The following CCBE1 variants were observed in gnomAD, a reference collection of about 807,000 sequenced individuals.
The protein encoded by CCBE1 is collagen and calcium binding EGF domains 1.
In CCBE1, 37 loss-of-function variants were observed where a neutral mutation model predicts 50.0. That is an observed-to-expected ratio of 0.74 (90% CI 0.57 to 0.97). The LOEUF (loss-of-function observed/expected upper bound fraction) is 0.97. CCBE1 is among the 50% of genes least tolerant of loss of function. CCBE1 has a pLI of 0.00. For missense variants in CCBE1, 538 were observed against 523.8 expected, an observed-to-expected ratio of 1.03 and a Z score of -0.26; for synonymous variants, 234 against 203.7, an observed-to-expected ratio of 1.15 and a Z score of -1.27.
In CCBE1 at chr18:59,514,352, A is replaced by G. The variant is rs900569945; in HGVS notation, c.213-34114T>C. ...GTAGCGCCCCTGACACGGCTCCTCCATCCGCACGTGGCCCTCCCAGTGAGT... is the reference window on the plus strand; with the variant it reads ...GTAGCGCCCCTGACACGGCTCCTCCGTCCGCACGTGGCCCTCCCAGTGAGT... On this transcript the variant is annotated intron_variant, in intron 2 of 10. Coordinates refer to ENST00000439986, the MANE Select transcript of CCBE1 (RefSeq NM_133459.4). Among the ~76,000 whole-genome samples, 6 of 152,182 alleles carry G rather than the reference A, an allele frequency of 3.9e-5. No homozygotes were observed. The South Asian group carries it at 1.2e-3, about 32-fold the overall frequency.
chr18:59,504,782 T>C (rs193209011), intron 2 of CCBE1, among the ~76,000 whole-genome samples: 214 of 152,312 alleles, frequency 1.4e-3, no homozygotes, highest in Admixed American at 3.5e-3. Context: ...AGATTTTATA[T>C]TGATTTCCTC....
chr18:59,493,562 G>C (rs1007507514), intron 2 of CCBE1, among the ~76,000 whole-genome samples: 2 of 151,172 alleles, frequency 1.3e-5, no homozygotes, highest in African/African-American at 4.9e-5. Context: ...TTTTTTAACA[G>C]GTGAGAAGCT....
chr18:59,649,780 G>A (rs2054103606), intron 2 of CCBE1, among the ~76,000 whole-genome samples: 1 of 152,182 alleles, frequency 6.6e-6, no homozygotes. Context: ...AATGCAAGCA[G>A]CCCACATGCT....
At chr18:59,660,427 C>T (rs371429988) in intron 2 of CCBE1, among the ~76,000 whole-genome samples, 1 of 152,136 alleles carries the variant, frequency 6.6e-6, no homozygotes, top group East Asian at 1.9e-4. Context: ...ATACTTCATT[C>T]TCGGTGTACG....
chr18:59,622,426 C>G (rs2053723545), intron 2 of CCBE1, among the ~76,000 whole-genome samples: 1 of 151,834 alleles, frequency 6.6e-6, no homozygotes, highest in Non-Finnish European at 1.5e-5. Flanking sequence ...ATCGCTTGAA[C>G]CCGGGAGGCA....
At chr18:59,656,767 A>G (rs1478367408) in intron 2 of CCBE1, among the ~76,000 whole-genome samples, 1 of 152,250 alleles carries the variant, frequency 6.6e-6, no homozygotes, top group Admixed American at 6.5e-5. Flanking sequence ...TTCCTCTACG[A>G]TAGAGACTTC....
chr18:59,473,785 C>T (rs113953810), intron 3 of CCBE1, among the ~76,000 whole-genome samples: 25 of 37,676 alleles, frequency 6.6e-4, no homozygotes, highest in East Asian at 2.5e-3. Flanking sequence ...ATTTCCTCCC[C>T]ACTACTCATC....
At chr18:59,562,733 T>C (rs2052759590) in intron 2 of CCBE1, among the ~76,000 whole-genome samples, 1 of 152,170 alleles carries the variant, frequency 6.6e-6, no homozygotes, top group Non-Finnish European at 1.5e-5. Flanking sequence ...CACCCCCTCA[T>C]CTGGGGTCAC....
intron 2 of CCBE1, among the ~76,000 whole-genome samples, chr18:59,662,725 C>A (rs1046125386): frequency 6.6e-6 from 1 of 152,178 alleles, no homozygotes; most frequent in African/African-American, 2.4e-5. Context: ...GAGAGGAGGG[C>A]ATGCTGGCAG....
chr18:59,663,543 G>A (rs1344486213), intron 2 of CCBE1, among the ~76,000 whole-genome samples: 1 of 152,092 alleles, frequency 6.6e-6, no homozygotes, highest in Non-Finnish European at 1.5e-5. Flanking sequence ...GGATGGAAGA[G>A]ATGTAGTTAT....
intron 2 of CCBE1, among the ~76,000 whole-genome samples, chr18:59,643,991 G>A (rs1324411737): frequency 1.3e-5 from 2 of 152,156 alleles, no homozygotes; most frequent in East Asian, 3.9e-4. Context: ...CCTCCCACAG[G>A]ATTAGCAGTC....
chr18:59,666,919 C>T (rs760236988), intron 2 of CCBE1, among the ~76,000 whole-genome samples: 1 of 152,112 alleles, frequency 6.6e-6, no homozygotes, highest in Non-Finnish European at 1.5e-5. Context: ...GAGCAAAGAT[C>T]GTGCCACTGC....
At position 59,513,121 on chromosome 18, in the gene CCBE1, A is replaced by G. The variant is rs991487607; in HGVS notation, c.213-32883T>C. On this transcript the variant is annotated intron_variant, in intron 2 of 10. Coordinates refer to ENST00000439986, the MANE Select transcript of CCBE1 (RefSeq NM_133459.4). ...TCAGGAGCTCGAGACCAGCCCAGCC[A>G]ACATGGCAAAACCCCATCTCCACTA... Among the ~76,000 whole-genome samples the G allele has an allele frequency of 6.6e-5, 10 of 152,264 alleles. No individual in the cohort carries two copies. The South Asian group carries it at 1.9e-3, about 28-fold the overall frequency.
chr18:59,587,328 G>C (rs926846744), intron 2 of CCBE1, among the ~76,000 whole-genome samples: 1 of 152,214 alleles, frequency 6.6e-6, no homozygotes, highest in Admixed American at 6.5e-5. Flanking sequence ...AGGAATGGAA[G>C]TGTAACACTG....
At chr18:59,591,477 A>G (rs1204400065) in intron 2 of CCBE1, among the ~76,000 whole-genome samples, 1 of 152,220 alleles carries the variant, frequency 6.6e-6, no homozygotes, top group Non-Finnish European at 1.5e-5. Context: ...TAATAATTAC[A>G]TATATCACAT....
intron 10 of CCBE1, among the ~76,000 whole-genome samples, chr18:59,436,587 C>A (rs954311157): frequency 1.3e-5 from 2 of 152,100 alleles, no homozygotes; most frequent in African/African-American, 4.8e-5. Context: ...AATAATAGTC[C>A]CAACTTCATA....
At chr18:59,606,589 C>A (rs1009975675) in intron 2 of CCBE1, among the ~76,000 whole-genome samples, 19 of 152,256 alleles carry the variant, frequency 1.2e-4, no homozygotes, top group African/African-American at 4.6e-4. Flanking sequence ...CCAAGCATCT[C>A]CACGGGGCCC....
intron 2 of CCBE1, among the ~76,000 whole-genome samples, chr18:59,495,608 CTTTTTTT>C (rs572061962): frequency 8.0e-5 from 11 of 138,342 alleles, no homozygotes; most frequent in Non-Finnish European, 1.7e-4. Flanking sequence ...GGGTGCTTGC[CTTTTTTT>C]TTTTTTTTTA....
chr18:59,488,741 A>G (rs970751405), intron 2 of CCBE1, among the ~76,000 whole-genome samples: 1 of 152,222 alleles, frequency 6.6e-6, no homozygotes, highest in Non-Finnish European at 1.5e-5. Flanking sequence ...AAAATGGGAT[A>G]GTAACACTAT....
Sources: allele counts gnomAD v4.1 joint callset (sites outside exome capture counted in the v4.1 genomes callset), GRCh38; gene constraint gnomAD v4.1.1; transcripts MANE v1.5; gene names NCBI Gene and HGNC (gene_info 2026-07-23, HGNC 2026-07-21).